ADGRB3: variants seen among roughly 807,000 people sequenced by gnomAD.
The protein encoded by ADGRB3 is adhesion G protein-coupled receptor B3.
ADGRB3 carries 37 observed loss-of-function variants against 193.4 expected under a neutral mutation model. The observed-to-expected ratio is 0.19, with a 90% CI of 0.15 to 0.25. The LOEUF (loss-of-function observed/expected upper bound fraction) is 0.25. ADGRB3 is among the 10% of genes least tolerant of loss of function. ADGRB3 has a pLI of 1.00. For missense variants in ADGRB3, 1,637 were observed against 1,852.9 expected, an observed-to-expected ratio of 0.88 and a Z score of 2.14; for synonymous variants, 690 against 644.2, an observed-to-expected ratio of 1.07 and a Z score of -1.08.
chr6:68,653,695 TAG>T lies in ADGRB3; in HGVS notation c.757+14269_757+14270del, dbSNP rs1382829621. Among the ~76,000 whole-genome samples the T allele has an allele frequency of 3.9e-5, 6 of 152,184 alleles. No homozygotes were observed. In the East Asian group the frequency reaches 1.2e-3, roughly 29 times the overall value. ...GTTTTTCTTTATTTTAAAACTACAT[TAG>T]AGAGAAGGTTCTGTGGTCCTTTGTT... On this transcript the variant is annotated intron_variant, in intron 3 of 31. Transcript: ENST00000370598.
At position 68,639,891 on chromosome 6, in the gene ADGRB3, C is replaced by A. The variant is rs142565291; in HGVS notation, c.757+459C>A. ...GAGTCCTTCCCTCTCACTCCCCACC[C>A]ATTTCCAGGTCTGATCTTGGGGCAT... On this transcript the variant is annotated intron_variant, in intron 3 of 31. Coordinates refer to ENST00000370598, the MANE Select transcript of ADGRB3 (RefSeq NM_001704.3). 3.1e-3 allele frequency among the ~76,000 whole-genome samples: 477 copies of A among 152,264 alleles called. 14 individuals are homozygous for A. The highest frequency in any genetic ancestry group is 0.029 in the Admixed American group (443 of 15,300).
intron 30 of ADGRB3, among the ~76,000 whole-genome samples, chr6:69,382,169 A>T (rs942059393): frequency 6.6e-6 from 1 of 151,916 alleles, no homozygotes; most frequent in Non-Finnish European, 1.5e-5. Flanking sequence ...TTAGAAGCAG[A>T]TCAGCTACAC....
chr6:68,773,873 A>G (rs1215835043), intron 3 of ADGRB3, among the ~76,000 whole-genome samples: 1 of 152,106 alleles, frequency 6.6e-6, no homozygotes, highest in Non-Finnish European at 1.5e-5. Context: ...GAGAAGCTTA[A>G]GGAGACTTAG....
At chr6:69,203,221 G>T (rs1382528669) in intron 17 of ADGRB3, among the ~76,000 whole-genome samples, 1 of 152,046 alleles carries the variant, frequency 6.6e-6, no homozygotes, top group Admixed American at 6.6e-5. Flanking sequence ...CCTTAATCCT[G>T]GAAAGTACAA....
At chr6:68,772,894 A>AAAT (rs1466813173) in intron 3 of ADGRB3, among the ~76,000 whole-genome samples, 52 of 22,858 alleles carry the variant, frequency 2.3e-3, no homozygotes, top group South Asian at 3.9e-3. Flanking sequence ...AAAAAAAAAA[A>AAAT]ATATATATAT....
At chr6:68,688,104 A>C (rs1765014172) in intron 3 of ADGRB3, among the ~76,000 whole-genome samples, 5 of 152,190 alleles carry the variant, frequency 3.3e-5, no homozygotes, top group Admixed American at 6.5e-5. Context: ...AGCTCTTTAC[A>C]TCCAGGCACT....
intron 17 of ADGRB3, among the ~76,000 whole-genome samples, chr6:69,171,224 A>G (rs541953618): frequency 2.6e-5 from 4 of 152,198 alleles, no homozygotes; most frequent in South Asian, 4.1e-4. Context: ...CGAATGCTCA[A>G]TAGCCACATA....
intron 6 of ADGRB3, among the ~76,000 whole-genome samples, chr6:68,954,000 G>C (rs1225844398): frequency 6.6e-6 from 1 of 152,138 alleles, no homozygotes; most frequent in African/African-American, 2.4e-5. Flanking sequence ...TTACATGCTA[G>C]TTTGCACATT....
intron 10 of ADGRB3, among the ~76,000 whole-genome samples, chr6:68,990,370 G>A (rs1044868294): frequency 2.0e-5 from 3 of 152,118 alleles, no homozygotes; most frequent in Admixed American, 2.0e-4. Context: ...TCACCAGTGT[G>A]TAAAAATATT....
rs183982157 is a variant in ADGRB3 at position 69,017,176 on chromosome 6, C to T, written c.1999-1215C>T. 2.6e-5 allele frequency among the ~76,000 whole-genome samples: 4 copies of T among 152,032 alleles called. No individual in the cohort carries two copies. In the East Asian group the frequency reaches 5.8e-4, roughly 22 times the overall value. ...CTTCAAGTATATGTGAGTAAATATA[C>T]TGTAGATACTGCCTGATTTTTAGAC... is the stretch of plus-strand genomic sequence containing the variant. On this transcript the variant is annotated intron_variant, in intron 12 of 31. Coordinates refer to ENST00000370598, the MANE Select transcript of ADGRB3 (RefSeq NM_001704.3).
At chr6:69,240,563 G>A (rs1243682388) in intron 20 of ADGRB3, among the ~76,000 whole-genome samples, 2 of 151,938 alleles carry the variant, frequency 1.3e-5, no homozygotes, top group Non-Finnish European at 2.9e-5. Context: ...GACTAAAGGT[G>A]AGAGGGATGC....
rs555503157 is a variant in ADGRB3, at chr6:68,913,218, C to A, written c.758-17341C>A. On this transcript the variant is annotated intron_variant, in intron 3 of 31. Coordinates refer to ENST00000370598, the MANE Select transcript of ADGRB3 (RefSeq NM_001704.3). The stretch of plus-strand genomic sequence containing the variant: ...TGGTTTTCCAAGCACAGATGGATAT[C>A]TGAGAATGGGCAGACTGCCTCCTCA... Among the ~76,000 whole-genome samples, 63 of 152,322 alleles carry A rather than the reference C, an allele frequency of 4.1e-4. 1 individual carries two copies. The South Asian group carries it at 8.9e-3, about 22-fold the overall frequency.
At chr6:69,153,972 G>A (rs563640558) in intron 17 of ADGRB3, among the ~76,000 whole-genome samples, 2 of 152,104 alleles carry the variant, frequency 1.3e-5, no homozygotes, top group South Asian at 2.1e-4. Context: ...CAGCCAGGGC[G>A]ACAGAGTGAG....
rs535803660 is a variant in ADGRB3, at chr6:68,645,414, C to G, written c.757+5982C>G. On this transcript the variant is annotated intron_variant, in intron 3 of 31. Coordinates refer to ENST00000370598, the MANE Select transcript of ADGRB3 (RefSeq NM_001704.3). ...GTCAGTGCCTGTGGAAATTTCTTCC[C>G]GATTCAATTAACTAATAAGAAATCA... 2.0e-5 allele frequency among the ~76,000 whole-genome samples: 3 copies of G among 152,036 alleles called. No homozygotes were observed. In the South Asian group the frequency reaches 6.2e-4, roughly 32 times the overall value.
intron 17 of ADGRB3, among the ~76,000 whole-genome samples, chr6:69,221,218 A>G (rs1000033732): frequency 3.0e-4 from 45 of 152,200 alleles, no homozygotes; most frequent in Non-Finnish European, 2.2e-4. Flanking sequence ...CCTTAATTTT[A>G]TCTACCCATA....
chr6:69,083,501 G>A (rs1020679259), intron 17 of ADGRB3, among the ~76,000 whole-genome samples: 1 of 152,122 alleles, frequency 6.6e-6, no homozygotes, highest in Non-Finnish European at 1.5e-5. Context: ...ACTTAGATGT[G>A]GGAGGGGCTG....
chr6:68,869,716 G>A (rs981643818), intron 3 of ADGRB3, among the ~76,000 whole-genome samples: 2 of 145,726 alleles, frequency 1.4e-5, no homozygotes, highest in African/African-American at 5.1e-5. Flanking sequence ...TTTATGTGAG[G>A]CCTGCATACA....
At chr6:69,049,157 C>T (rs954584805) in intron 14 of ADGRB3, 114 bp from the exon 15 acceptor site, 1 of 726,234 alleles carries the variant, frequency 1.4e-6, no homozygotes, top group Non-Finnish European at 2.2e-6. Flanking sequence ...TTTTACCAGG[C>T]TTTATCTTTG....
intron 3 of ADGRB3, among the ~76,000 whole-genome samples, chr6:68,867,497 A>C (rs1001879268): frequency 2.6e-5 from 4 of 152,204 alleles, no homozygotes; most frequent in Non-Finnish European, 5.9e-5. Context: ...GTAGAGAGGA[A>C]ATGTGGGGTT....
Sources: gnomAD v4.1 joint callset for allele counts (sites outside exome capture counted in the v4.1 genomes callset) on GRCh38, gnomAD v4.1.1 for gene constraint, MANE v1.5 for transcripts, NCBI Gene and HGNC (gene_info 2026-07-23, HGNC 2026-07-21) for gene names.